The following PAQR5 variants were observed in gnomAD, a reference collection of about 807,000 sequenced individuals.
PAQR5 encodes progestin and adipoQ receptor family member 5, also known as membrane progestin receptor gamma.
PAQR5 carries 20 observed loss-of-function variants against 34.5 expected under a neutral mutation model. The observed-to-expected ratio is 0.58, with a 90% CI of 0.41 to 0.84. The LOEUF (loss-of-function observed/expected upper bound fraction) is 0.84. PAQR5 is among the 40% of genes least tolerant of loss of function. The probability of loss-of-function intolerance (pLI) is 0.00; values close to 1 mark genes in which losing one functional copy is unlikely to be tolerated. For missense variants in PAQR5, 378 were observed against 412.7 expected (o/e 0.92, Z 0.73); for synonymous variants, 131 against 155.6 (o/e 0.84, Z 1.18).
intron 2 of PAQR5, among the ~76,000 whole-genome samples, chr15:69,358,563 C>T (rs1031755891): frequency 2.0e-5 from 3 of 151,786 alleles, no homozygotes; most frequent in African/African-American, 7.3e-5. Flanking sequence ...TATTCCGCCC[C>T]TCCCACCTTC....
At chr15:69,312,258 G>C (rs1448645512) in intron 1 of PAQR5, among the ~76,000 whole-genome samples, 1 of 152,142 alleles carries the variant, frequency 6.6e-6, no homozygotes, top group Non-Finnish European at 1.5e-5. Flanking sequence ...GCCTGCAGAT[G>C]CTTTTTGAAA....
At chr15:69,322,657 A>G (rs2054125298) in intron 1 of PAQR5, among the ~76,000 whole-genome samples, 1 of 130,756 alleles carries the variant, frequency 7.6e-6, no homozygotes, top group Non-Finnish European at 1.6e-5. Flanking sequence ...CCTGTCTCAA[A>G]AAAAAAAAAA....
intron 1 of PAQR5, among the ~76,000 whole-genome samples, chr15:69,326,927 T>C (rs2054267555): frequency 6.6e-6 from 1 of 152,114 alleles, no homozygotes; most frequent in African/African-American, 2.4e-5. Context: ...TCATGCTTTA[T>C]GTTGTGCATT....
chr15:69,365,377 G>A (rs1383659449), intron 3 of PAQR5, among the ~76,000 whole-genome samples: 1 of 152,104 alleles, frequency 6.6e-6, no homozygotes, highest in Non-Finnish European at 1.5e-5. Flanking sequence ...CAAAGTGCTG[G>A]GATTACAGGC....
chr15:69,322,769 A>AGAAGAT (rs1566997979), intron 1 of PAQR5, among the ~76,000 whole-genome samples: 577 of 29,590 alleles, frequency 0.019, 115 homozygotes, highest in South Asian at 0.043. Flanking sequence ...AAGAAGAAGA[A>AGAAGAT]GAGGGAGAAG....
chr15:69,333,528 G>C (rs1054840664), intron 1 of PAQR5, among the ~76,000 whole-genome samples: 2 of 152,156 alleles, frequency 1.3e-5, no homozygotes, highest in East Asian at 3.8e-4. Flanking sequence ...TCCCCACCCC[G>C]CACTGGGAGA....
intron 3 of PAQR5, among the ~76,000 whole-genome samples, chr15:69,364,724 A>AT (rs1160776704): frequency 6.6e-6 from 1 of 150,766 alleles, no homozygotes; most frequent in Non-Finnish European, 1.5e-5. Context: ...GTTTGCTAGG[A>AT]TTTTTTCCCT....
At chr15:69,325,502 T>C (rs992358323) in intron 1 of PAQR5, among the ~76,000 whole-genome samples, 2 of 152,230 alleles carry the variant, frequency 1.3e-5, no homozygotes, top group Non-Finnish European at 2.9e-5. Context: ...TCTTAAGGGA[T>C]AGAACTGTTG....
chr15:69,352,640 C>T (rs1005218480), intron 2 of PAQR5, among the ~76,000 whole-genome samples: 3 of 152,188 alleles, frequency 2.0e-5, no homozygotes. Context: ...AGCTGCAGCG[C>T]TATGGCCCTT....
At chr15:69,303,542 A>G (rs1398442281) in intron 1 of PAQR5, among the ~76,000 whole-genome samples, 1 of 150,482 alleles carries the variant, frequency 6.6e-6, no homozygotes, top group African/African-American at 2.5e-5. Flanking sequence ...GCAGCCTTTT[A>G]AAATTCCCCA....
At chr15:69,355,427 C>CT (rs1383692620) in intron 2 of PAQR5, among the ~76,000 whole-genome samples, 1 of 119,112 alleles carries the variant, frequency 8.4e-6, no homozygotes, top group Non-Finnish European at 1.8e-5. Context: ...TTTTCTTTTT[C>CT]TTTTTTTTCT....
At chr15:69,380,521 A>G (rs76539942) in intron 4 of PAQR5, among the ~76,000 whole-genome samples, 6,457 of 152,244 alleles carry the variant, frequency 0.042, 274 homozygotes, top group East Asian at 0.11. Flanking sequence ...GGGAACCACG[A>G]CAACTGGGAG....
chr15:69,326,419 T>C (rs1482652820), intron 1 of PAQR5, among the ~76,000 whole-genome samples: 1 of 148,322 alleles, frequency 6.7e-6, no homozygotes, highest in Non-Finnish European at 1.5e-5. Flanking sequence ...GGGGTTTTTA[T>C]GTTGACAGCT....
intron 1 of PAQR5, among the ~76,000 whole-genome samples, chr15:69,300,066 A>G (rs1343249955): frequency 1.3e-5 from 2 of 152,072 alleles, no homozygotes; most frequent in East Asian, 3.9e-4. Context: ...TTCCCACCGC[A>G]TCCTTCCAGA....
chr15:69,337,094 G>C (rs183341452), intron 1 of PAQR5, among the ~76,000 whole-genome samples: 1 of 152,182 alleles, frequency 6.6e-6, no homozygotes, highest in Non-Finnish European at 1.5e-5. Context: ...TAGGACTCTC[G>C]TGGAGAGCTG....
intron 1 of PAQR5, among the ~76,000 whole-genome samples, chr15:69,313,549 A>G (rs1566992775): frequency 6.6e-6 from 1 of 152,034 alleles, no homozygotes; most frequent in Non-Finnish European, 1.5e-5. Flanking sequence ...AATAAAGGGA[A>G]CCTAGATGGG....
In PAQR5 at chr15:69,326,407, G is replaced by A. The variant is rs967796667; in HGVS notation, c.-276-10934G>A. Among the ~76,000 whole-genome samples, 3 of 151,354 alleles carry A rather than the reference G, an allele frequency of 2.0e-5. No individual in the cohort carries two copies. In the Admixed American group the frequency reaches 2.0e-4, roughly 10 times the overall value. ...TCAGATTTATCAAAAGAAACTGGGA[G>A]CGGGGTTTTTATGTTGACAGCTCTT... On this transcript the variant is annotated intron_variant, in intron 1 of 8. Coordinates refer to ENST00000395407, the MANE Select transcript of PAQR5 (RefSeq NM_017705.4).
At chr15:69,362,374 G>A (rs530356990) in intron 3 of PAQR5, among the ~76,000 whole-genome samples, 1 of 152,222 alleles carries the variant, frequency 6.6e-6, no homozygotes, top group Non-Finnish European at 1.5e-5. Flanking sequence ...AAGCCATAGA[G>A]AAAATATAGT....
rs150532354 is a variant in PAQR5, at chr15:69,342,568, A to C, written c.-116+5067A>C. On this transcript the variant is annotated intron_variant, in intron 2 of 8. Coordinates refer to ENST00000395407, the MANE Select transcript of PAQR5 (RefSeq NM_017705.4). ...GTTTTAAGGTAAAACGTGGTCTGAA[A>C]GCAGCTGGGGCCCCTGCTCCTAGGC... is the stretch of plus-strand genomic sequence containing the variant. 6.0e-4 allele frequency among the ~76,000 whole-genome samples: 92 copies of C among 152,256 alleles called. No individual in the cohort carries two copies. In the East Asian group the frequency reaches 0.016, roughly 26 times the overall value.
Sources: gnomAD v4.1 joint callset for allele counts (sites outside exome capture counted in the v4.1 genomes callset) on GRCh38, gnomAD v4.1.1 for gene constraint, MANE v1.5 for transcripts, NCBI Gene and HGNC (gene_info 2026-07-23, HGNC 2026-07-21) for gene names.